The following NAT10 variants were observed in gnomAD, a reference collection of about 807,000 sequenced individuals.
NAT10 encodes N-acetyltransferase 10.
In NAT10, 109 loss-of-function variants were observed where a neutral mutation model predicts 132.2. The ratio of observed to expected loss-of-function variants is 0.82; its 90% CI spans 0.71 to 0.97. The LOEUF (loss-of-function observed/expected upper bound fraction) is 0.97. Ranked by LOEUF, NAT10 falls within the 50% of genes least tolerant of loss-of-function variation. The probability of loss-of-function intolerance (pLI) is 0.00; values close to 1 mark genes in which losing one functional copy is unlikely to be tolerated. For missense variants in NAT10, 1,184 were observed against 1,263.4 expected (o/e 0.94, Z 0.95); for synonymous variants, 479 against 478.0 (o/e 1.00, Z -0.03).
At chr11:34,142,395 T>G in intron 27 of NAT10, 47 bp downstream of exon 27, 32 of 1,509,010 alleles carry the variant, frequency 2.1e-5, no homozygotes, top group Non-Finnish European at 2.8e-5. Context: ...TCTGGGGCCC[T>G]AAGAATCTGC....
intron 3 of NAT10, 32 bp from the exon 4 acceptor site, chr11:34,112,020 G>A: frequency 1.2e-6 from 2 of 1,612,022 alleles, no homozygotes; most frequent in Non-Finnish European, 1.7e-6. Flanking sequence ...TGGTTAACTG[G>A]CTCTCATGGG....
intron 21 of NAT10, among the ~76,000 whole-genome samples, chr11:34,138,103 G>GT (rs1852251055): frequency 6.6e-6 from 1 of 152,316 alleles, no homozygotes; most frequent in Middle Eastern, 3.4e-3. Context: ...TCTAGAGAAT[G>GT]TTTTTTGCTG....
chr11:34,142,231 A>C, intron 26 of NAT10, 44 bp from the exon 27 acceptor site: 1 of 1,588,220 alleles, frequency 6.3e-7, no homozygotes, highest in South Asian at 1.1e-5. Context: ...GTTTGGTTCA[A>C]TCCTTGACTC....
intron 28 of NAT10, 41 bp from the exon 29 acceptor site, chr11:34,146,043 C>A: frequency 7.2e-7 from 1 of 1,383,930 alleles, no homozygotes; most frequent in Non-Finnish European, 1.0e-6. Context: ...ATGTTCAGAT[C>A]TGTACATATT....
Position 34,139,430 on chromosome 11 carries a change from C to G in NAT10, c.2354C>G (p.Thr785Ser). ...FLALLSYQFSTFSPSLALNII... is the reference protein window; with the variant it reads ...FLALLSYQFSSFSPSLALNII... Reference sequence around the variant, plus strand: ...GCCTTGCTCTCCTACCAGTTCAGTACCTTCTCTCCTTCCCTGGCTCTGAAC... The same window carrying G: ...GCCTTGCTCTCCTACCAGTTCAGTAGCTTCTCTCCTTCCCTGGCTCTGAAC... The change falls in exon 23 of 29, where the codon ACC becomes AGC. Residue 785 changes from threonine to serine, a missense_variant. Coordinates refer to ENST00000257829, the MANE Select transcript of NAT10 (RefSeq NM_024662.3). The G allele has an allele frequency of 1.9e-6, 3 of 1,614,154 alleles. No individual in the cohort carries two copies. Among genetic ancestry groups the G allele is most frequent in the Non-Finnish European group, 1.7e-6 (2 of 1,180,022 alleles).
At chr11:34,129,709 C>G (rs2957515) in intron 12 of NAT10, among the ~76,000 whole-genome samples, 149,736 of 150,330 alleles carry the variant, frequency 1, 74,576 homozygotes, top group Middle Eastern at 1. Context: ...CCAGGTTCAA[C>G]CCATTTCTCC....
intron 2 of NAT10, 72 bp downstream of exon 2, chr11:34,108,405 C>A: frequency 8.1e-7 from 1 of 1,237,832 alleles, no homozygotes; most frequent in Non-Finnish European, 1.2e-6. Flanking sequence ...AAGCACTCTG[C>A]TGTTTCAGGA....
intron 8 of NAT10, among the ~76,000 whole-genome samples, chr11:34,119,092 T>C (rs572160694): frequency 8.5e-5 from 13 of 152,370 alleles, no homozygotes; most frequent in African/African-American, 3.1e-4. Flanking sequence ...CGAGGCCTGA[T>C]GAGGGCCCTC....
rs773551563 is a variant in NAT10, at chr11:34,118,224, A to G, written c.602A>G (p.Asp201Gly). Residue 201 changes from aspartate (D) to glycine (G), a missense_variant, in exon 7 of 29, where the codon GAT becomes GGT. Coordinates refer to ENST00000257829, the MANE Select transcript of NAT10 (RefSeq NM_024662.3). ...TCTTGTAAGAAGTGTCTCGTCATTG[A>G]TGACCAGCTCAACATCCTGCCCATC... ...LASCKKCLVI[D>G]DQLNILPISS... 1 of 1,614,134 alleles carries G rather than the reference A, an allele frequency of 6.2e-7. No homozygotes were observed. The highest frequency in any genetic ancestry group is 1.1e-5 in the South Asian group (1 of 91,090).
At chr11:34,133,388 C>T (rs565549536) in intron 16 of NAT10, among the ~76,000 whole-genome samples, 1 of 152,190 alleles carries the variant, frequency 6.6e-6, no homozygotes, top group Non-Finnish European at 1.5e-5. Flanking sequence ...TATTTTGACT[C>T]ACAGCTTCTT....
At chr11:34,140,739 G>A (rs1260360386) in intron 24 of NAT10, among the ~76,000 whole-genome samples, 167 bp downstream of exon 24, 1 of 152,108 alleles carries the variant, frequency 6.6e-6, no homozygotes, top group Non-Finnish European at 1.5e-5. Context: ...CCTGGGCTCT[G>A]AAGTCGAGTA....
rs201322811 is a variant in NAT10 at position 34,139,202 on chromosome 11, C to T, written c.2223C>T (p.Thr741=). 33 of 1,613,748 alleles carry T rather than the reference C, an allele frequency of 2.0e-5. No individual in the cohort carries two copies. Among genetic ancestry groups the T allele is most frequent in the Admixed American group, 5.0e-5 (3 of 59,974 alleles). ...VYLRQTPNDL[T]GEHSCIMLKT... is the part of the protein sequence containing the mutation. ...TCTGTGTTGCCCAGAATGACCTGAC[C>T]GGAGAGCACTCGTGCATCATGCTGA... Residue 741 remains threonine, a synonymous_variant, in exon 22 of 29, where the codon ACC becomes ACT. Transcript: ENST00000257829.
intron 8 of NAT10, among the ~76,000 whole-genome samples, chr11:34,118,733 A>G (rs1851830896): frequency 6.6e-6 from 1 of 152,132 alleles, no homozygotes; most frequent in Non-Finnish European, 1.5e-5. Context: ...CAGATAGAGC[A>G]GATGAATTAT....
At chr11:34,133,964 A>G (rs1852156285) in intron 16 of NAT10, among the ~76,000 whole-genome samples, 2 of 151,858 alleles carry the variant, frequency 1.3e-5, no homozygotes, top group Middle Eastern at 3.4e-3. Flanking sequence ...CATCCTGGCT[A>G]ACACGGTGAA....
At chr11:34,143,615 GT>G in intron 28 of NAT10, 87 bp downstream of exon 28, 1 of 1,270,834 alleles carries the variant, frequency 7.9e-7, no homozygotes, top group Non-Finnish European at 1.1e-6. Flanking sequence ...AAAATAGGAG[GT>G]TGGAGCAAAA....
At chr11:34,116,605 A>T (rs1042548230) in intron 6 of NAT10, among the ~76,000 whole-genome samples, 4 of 151,076 alleles carry the variant, frequency 2.6e-5, no homozygotes, top group African/African-American at 4.9e-5. Flanking sequence ...TATTATTATT[A>T]TTTTTTTGAG....
chr11:34,127,404 TAA>T lies in NAT10; in HGVS notation c.1108-58_1108-57del, dbSNP rs1160916572. ...AACATCCTTTATGATGAGTCGCCAG[TAA>T]TCACAGCTGTGACATGAGTTCACTA... On this transcript the variant is annotated intron_variant, in intron 11 of 28. Coordinates refer to ENST00000257829, the MANE Select transcript of NAT10 (RefSeq NM_024662.3). 4.0e-5 allele frequency: 59 copies of T among 1,487,336 alleles called. No individual in the cohort carries two copies. In the Middle Eastern group the frequency reaches 1.8e-3, roughly 44 times the overall value. 92.1% of individuals were successfully genotyped at this position (1,487,336 alleles called of 1,614,324 possible).
chr11:34,134,643 G>T, intron 18 of NAT10, 57 bp downstream of exon 18: 1 of 1,548,242 alleles, frequency 6.5e-7, no homozygotes, highest in Non-Finnish European at 8.9e-7. Context: ...TTAGGGTGGG[G>T]GTACTTGGTG....
chr11:34,136,632 A>G lies in NAT10; in HGVS notation c.2029-10A>G, dbSNP rs1448378275. 29 of 1,613,918 alleles carry G rather than the reference A, an allele frequency of 1.8e-5. No homozygotes were observed. The highest frequency in any genetic ancestry group is 2.3e-5 in the Non-Finnish European group (27 of 1,180,006). On this transcript the variant is annotated splice_polypyrimidine_tract_variant and intron_variant, in intron 19 of 28. Coordinates refer to ENST00000257829, the MANE Select transcript of NAT10 (RefSeq NM_024662.3). ...GAATGGACTGTGTTCTCTCCTTGGCATCTTCCCAGGCTGTCAGCTTGTTGG... is the reference window on the plus strand; with the variant it reads ...GAATGGACTGTGTTCTCTCCTTGGCGTCTTCCCAGGCTGTCAGCTTGTTGG...
Sources: allele counts gnomAD v4.1 joint callset (sites outside exome capture counted in the v4.1 genomes callset), GRCh38; gene constraint gnomAD v4.1.1; transcripts MANE v1.5; gene names NCBI Gene and HGNC (gene_info 2026-07-23, HGNC 2026-07-21).